Variants in CDKL3 observed in about 807,000 individuals in gnomAD.
The protein encoded by CDKL3 is cyclin-dependent kinase-like 3.
A neutral mutation model predicts 69.3 loss-of-function variants in CDKL3; 65 were observed. The ratio of observed to expected loss-of-function variants is 0.94; its 90% confidence interval spans 0.77 to 1.15. CDKL3 has a LOEUF of 1.15. Among genes scored for constraint, CDKL3 ranks in the 50% most tolerant of loss-of-function variants. CDKL3 has a pLI of 0.00. For synonymous variants in CDKL3, 202 were observed against 221.6 expected (o/e 0.91, Z 0.79); for missense variants, 652 against 689.2 (o/e 0.95, Z 0.61).
intron 4 of CDKL3, among the ~76,000 whole-genome samples, chr5:134,347,697 TAA>T (rs1175296441): frequency 7.6e-5 from 4 of 52,824 alleles, no homozygotes; most frequent in Admixed American, 2.3e-4. Flanking sequence ...CCATCTCTGC[TAA>T]AAAAAAAAAA....
intron 11 of CDKL3, 131 bp downstream of exon 11, chr5:134,304,274 A>T: frequency 2.9e-6 from 2 of 691,926 alleles, no homozygotes; most frequent in Non-Finnish European, 4.6e-6. Context: ...AGAAAATCTC[A>T]TCAGCTGAAA....
At chr5:134,284,818 C>T (rs546947452), downstream of CDKL3, among the ~76,000 whole-genome samples, 1 of 152,222 alleles carries the variant, frequency 6.6e-6, no homozygotes, top group Non-Finnish European at 1.5e-5. Flanking sequence ...GCCCCACAGG[C>T]AGTCAGACCT....
chr5:134,355,250 A>C (rs1013405197), intron 3 of CDKL3, among the ~76,000 whole-genome samples: 16 of 151,966 alleles, frequency 1.1e-4, no homozygotes, highest in African/African-American at 1.7e-4. Context: ...AAAAAAAAAA[A>C]AAAAAACAGA....
intron 11 of CDKL3, 103 bp downstream of exon 11, chr5:134,304,302 T>A (rs1484287026): frequency 1.1e-6 from 1 of 896,844 alleles, no homozygotes; most frequent in African/African-American, 1.7e-5. Context: ...CTCACCAATT[T>A]ACTATTTTCT....
chr5:134,320,901 T>A (rs555716877), intron 5 of CDKL3, among the ~76,000 whole-genome samples: 20 of 148,984 alleles, frequency 1.3e-4, no homozygotes, highest in African/African-American at 4.7e-4. Context: ...ATTTAAAATT[T>A]AAAAAACCCA....
chr5:134,287,475 C>T (rs1217628046), intron 8 of CDKL3, among the ~76,000 whole-genome samples: 3 of 152,202 alleles, frequency 2.0e-5, no homozygotes, highest in African/African-American at 7.2e-5. Flanking sequence ...GTTGTATCCC[C>T]TTTCACTTAT....
chr5:134,329,761 G>A (rs888266134), intron 4 of CDKL3, among the ~76,000 whole-genome samples: 3 of 151,934 alleles, frequency 2.0e-5, no homozygotes, highest in East Asian at 1.9e-4. Context: ...GAGCCACCAC[G>A]CTGTTAATTA....
At chr5:134,358,424 C>T (rs1342924216) in intron 3 of CDKL3, among the ~76,000 whole-genome samples, 2 of 152,118 alleles carry the variant, frequency 1.3e-5, no homozygotes, top group Non-Finnish European at 2.9e-5. Context: ...ACTGAGATCT[C>T]CTTTTATTCA....
At chr5:134,313,736 G>C (rs150113268) in intron 6 of CDKL3, among the ~76,000 whole-genome samples, 138 of 142,652 alleles carry the variant, frequency 9.7e-4, no homozygotes, top group African/African-American at 3.9e-3. Context: ...TAGATTCCAT[G>C]TTATGTGGGG....
downstream of CDKL3, among the ~76,000 whole-genome samples, chr5:134,295,102 C>T (rs949839503): frequency 1.3e-5 from 2 of 149,106 alleles, no homozygotes; most frequent in African/African-American, 5.0e-5. Flanking sequence ...GCAACCTCCA[C>T]CTCCTGGGTT....
chr5:134,357,171 C>T (rs1206364103), intron 3 of CDKL3, among the ~76,000 whole-genome samples: 1 of 152,034 alleles, frequency 6.6e-6, no homozygotes, highest in Non-Finnish European at 1.5e-5. Flanking sequence ...GTAAGCCGGG[C>T]GCGGTGGCTC....
At chr5:134,371,506 A>C (rs1209114713), upstream of CDKL3, 8 of 1,462,348 alleles carry the variant, frequency 5.5e-6, no homozygotes, top group East Asian at 2.6e-5. Context: ...GGCGGCGGCG[A>C]TCCACAGTGA....
chr5:134,286,501 A>C, exon 9 of CDKL3: 1 of 183,672 alleles, frequency 5.4e-6, no homozygotes, highest in Non-Finnish European at 1.1e-5. Context: ...GCAATGCCCC[A>C]CTCTACTGGT....
chr5:134,316,976 A>T (rs1013857667), intron 6 of CDKL3, among the ~76,000 whole-genome samples: 5 of 152,024 alleles, frequency 3.3e-5, no homozygotes, highest in Non-Finnish European at 7.4e-5. Flanking sequence ...TTTACTGTGT[A>T]TTTTATATTT....
intron 3 of CDKL3, among the ~76,000 whole-genome samples, chr5:134,358,356 T>C (rs1164961588): frequency 6.6e-6 from 1 of 152,194 alleles, no homozygotes; most frequent in Non-Finnish European, 1.5e-5. Flanking sequence ...CAGTTCAAAA[T>C]TCTACTTACT....
upstream of CDKL3, chr5:134,371,350 G>C: frequency 3.3e-6 from 2 of 604,218 alleles, no homozygotes; most frequent in Non-Finnish European, 5.8e-6. Flanking sequence ...TGAAGGGCTC[G>C]GGGAAGGCGC....
At chr5:134,366,009 C>T (rs1332292116) in intron 2 of CDKL3, among the ~76,000 whole-genome samples, 1 of 152,188 alleles carries the variant, frequency 6.6e-6, no homozygotes, top group African/African-American at 2.4e-5. Flanking sequence ...TTCATATACT[C>T]TCCTTTCTGA....
chr5:134,368,271 G>A (rs546547582), upstream of CDKL3, among the ~76,000 whole-genome samples: 307 of 152,306 alleles, frequency 2.0e-3, 1 homozygote, highest in Non-Finnish European at 3.2e-3. Context: ...AGAGAAAGGA[G>A]AAGTGGTCAT....
At chr5:134,326,121 C>T (rs1774140681) in intron 4 of CDKL3, among the ~76,000 whole-genome samples, 2 of 152,022 alleles carry the variant, frequency 1.3e-5, no homozygotes, top group Admixed American at 6.6e-5. Context: ...AATTTCTATG[C>T]ACCTCCTCCA....
Sources: allele counts gnomAD v4.1 joint callset (sites outside exome capture counted in the v4.1 genomes callset), GRCh38; gene constraint gnomAD v4.1.1; transcripts MANE v1.5; gene names NCBI Gene and HGNC (gene_info 2026-07-23, HGNC 2026-07-21).